The following SLC16A10 variants were observed in gnomAD, a reference collection of about 807,000 sequenced individuals.
SLC16A10 encodes the protein monocarboxylate transporter 10.
Under a neutral mutation model 40.0 loss-of-function variants are expected in SLC16A10, and 27 were observed. The observed-to-expected ratio is 0.67, with a 90% CI of 0.50 to 0.93. SLC16A10 has a LOEUF of 0.93. SLC16A10 is among the 40% of genes least tolerant of loss of function. The pLI is 0.00. For synonymous variants in SLC16A10, 213 were observed against 249.8 expected, an observed-to-expected ratio of 0.85 and a Z score of 1.39; for missense variants, 529 against 658.2, an observed-to-expected ratio of 0.80 and a Z score of 2.15.
chr6:111,220,928 T>C (rs1209495585), intron 5 of SLC16A10, among the ~76,000 whole-genome samples: 1 of 152,150 alleles, frequency 6.6e-6, no homozygotes, highest in East Asian at 1.9e-4. Flanking sequence ...TAATCATGAG[T>C]GTTCATAAGG....
At chr6:111,217,685 C>T (rs1306644652) in intron 4 of SLC16A10, among the ~76,000 whole-genome samples, 2 of 152,264 alleles carry the variant, frequency 1.3e-5, no homozygotes, top group East Asian at 3.9e-4. Flanking sequence ...CTCCCGACCT[C>T]ATGATCTGCC....
intron 1 of SLC16A10, among the ~76,000 whole-genome samples, chr6:111,134,265 T>C (rs1050778445): frequency 2.0e-5 from 3 of 152,196 alleles, no homozygotes; most frequent in Non-Finnish European, 4.4e-5. Flanking sequence ...AAGAAGCCTA[T>C]GAATTATTCA....
intron 1 of SLC16A10, among the ~76,000 whole-genome samples, chr6:111,121,894 T>C (rs1034739395): frequency 6.6e-6 from 1 of 152,210 alleles, no homozygotes; most frequent in African/African-American, 2.4e-5. Context: ...TGGAGGCTGT[T>C]CTAGGGGTCT....
intron 1 of SLC16A10, among the ~76,000 whole-genome samples, chr6:111,165,243 G>A (rs928407731): frequency 6.6e-6 from 1 of 152,176 alleles, no homozygotes; most frequent in Non-Finnish European, 1.5e-5. Flanking sequence ...AATTCTTTGG[G>A]TTTCATGAGG....
At chr6:111,139,767 T>C (rs1010654354) in intron 1 of SLC16A10, among the ~76,000 whole-genome samples, 16 of 152,246 alleles carry the variant, frequency 1.1e-4, no homozygotes, top group African/African-American at 3.9e-4. Context: ...GACTGCTTTA[T>C]ATTCCTCTGG....
chr6:111,211,022 C>CA lies in SLC16A10; in HGVS notation c.1086+4304dup, dbSNP rs36044806. 2.3e-3 allele frequency among the ~76,000 whole-genome samples: 272 copies of CA among 119,534 alleles called. 1 individual carries two copies. Among genetic ancestry groups the CA allele is most frequent in the African/African-American group, 7.1e-3 (207 of 29,126 alleles). 78.4% of individuals were successfully genotyped at this position (119,534 alleles called of 152,430 possible). A position where few individuals can be genotyped will look rare whatever the true frequency, so the allele number is the denominator to read the frequency against. ...TGGGTGACAGAGTGAGACTCCGTCT[C>CA]AAAAAAAAAAAAAAAAAGTAGTGGA... On this transcript the variant is annotated intron_variant, in intron 4 of 5. Coordinates refer to ENST00000368851, the MANE Select transcript of SLC16A10 (RefSeq NM_018593.5).
At chr6:111,164,130 C>T (rs1270034452) in intron 1 of SLC16A10, among the ~76,000 whole-genome samples, 1 of 152,098 alleles carries the variant, frequency 6.6e-6, no homozygotes, top group African/African-American at 2.4e-5. Flanking sequence ...TTAATTTTTA[C>T]AAACCTTCCA....
chr6:111,163,360 G>A (rs1442822530), intron 1 of SLC16A10, among the ~76,000 whole-genome samples: 1 of 151,444 alleles, frequency 6.6e-6, no homozygotes, highest in East Asian at 1.9e-4. Context: ...CACCGTTTTA[G>A]CCGGGATGGT....
At chr6:111,118,504 AC>A (rs1257879891) in intron 1 of SLC16A10, among the ~76,000 whole-genome samples, 1 of 151,934 alleles carries the variant, frequency 6.6e-6, no homozygotes, top group Non-Finnish European at 1.5e-5. Flanking sequence ...ACATGGTGAA[AC>A]CCTGTCTCTA....
At chr6:111,201,859 G>A (rs979325478) in intron 3 of SLC16A10, among the ~76,000 whole-genome samples, 6 of 152,246 alleles carry the variant, frequency 3.9e-5, no homozygotes, top group Non-Finnish European at 7.3e-5. Context: ...TTGGTGATGA[G>A]AAGCTTGAGT....
At chr6:111,108,812 A>G (rs2114453905) in intron 1 of SLC16A10, among the ~76,000 whole-genome samples, 1 of 152,320 alleles carries the variant, frequency 6.6e-6, no homozygotes, top group East Asian at 1.9e-4. Context: ...TGCCATTTTC[A>G]TAACAAACTT....
chr6:111,140,193 G>A (rs1771956593), intron 1 of SLC16A10, among the ~76,000 whole-genome samples: 2 of 152,124 alleles, frequency 1.3e-5, no homozygotes, highest in African/African-American at 4.8e-5. Context: ...CAGGCATAGA[G>A]GCTAATTGCC....
At chr6:111,150,248 A>G (rs1772149640) in intron 1 of SLC16A10, among the ~76,000 whole-genome samples, 1 of 152,220 alleles carries the variant, frequency 6.6e-6, no homozygotes, top group South Asian at 2.1e-4. Context: ...GGCCTTAGCC[A>G]TGTTATAATG....
rs1302356189 is a variant in SLC16A10, at chr6:111,230,806, G to A, written c.*8571G>A. ...TGAAAATTAATTTTTTAATTATTTTGTATATTTTGAGTTAGAAAAACACAC... is the reference window on the plus strand; with the variant it reads ...TGAAAATTAATTTTTTAATTATTTTATATATTTTGAGTTAGAAAAACACAC... On this transcript the variant is annotated 3_prime_UTR_variant, in exon 6 of 6. Coordinates refer to ENST00000368851, the MANE Select transcript of SLC16A10 (RefSeq NM_018593.5). 6.6e-6 allele frequency: 1 copy of A among 151,962 alleles called. No homozygotes were observed. The highest frequency in any genetic ancestry group is 1.5e-5 in the Non-Finnish European group (1 of 67,986). The allele number at this position is 151,962 out of a possible 1,614,324, so 9.4% of individuals were successfully genotyped here. A position where few individuals can be genotyped will look rare whatever the true frequency, so the allele number is the denominator to read the frequency against.
intron 2 of SLC16A10, among the ~76,000 whole-genome samples, chr6:111,175,098 A>G (rs1379035555): frequency 1.3e-5 from 2 of 152,154 alleles, no homozygotes; most frequent in Non-Finnish European, 2.9e-5. Context: ...TGGCAGGTCC[A>G]TTTTTTCCTC....
chr6:111,199,333 C>T (rs1773129663), intron 3 of SLC16A10, among the ~76,000 whole-genome samples: 1 of 151,876 alleles, frequency 6.6e-6, no homozygotes, highest in African/African-American at 2.4e-5. Context: ...GTGGTGGACA[C>T]CTGTAATCCC....
At chr6:111,102,651 G>T (rs1771209669) in intron 1 of SLC16A10, among the ~76,000 whole-genome samples, 1 of 152,070 alleles carries the variant, frequency 6.6e-6, no homozygotes, top group Admixed American at 6.6e-5. Context: ...CTTAGCCCAG[G>T]TGTTGATCAA....
Position 111,219,128 on chromosome 6 carries a change from CAT to C in SLC16A10, c.1315+89_1315+90del. Reference sequence around the variant, plus strand: ...AATTAAGTCTCATTTATATGTAAAACATATTACAGGTTATTGATTACTGGTCT... The same window carrying C: ...AATTAAGTCTCATTTATATGTAAAACATTACAGGTTATTGATTACTGGTCT... On this transcript the variant is annotated intron_variant, in intron 5 of 5. Transcript: ENST00000368851. 5 of 1,210,792 alleles carry C rather than the reference CAT, an allele frequency of 4.1e-6. No individual in the cohort carries two copies. The Admixed American group carries it at 6.5e-5, about 16-fold the overall frequency. The allele number at this position is 1,210,792 out of a possible 1,614,324, so 75.0% of individuals were successfully genotyped here. A position where few individuals can be genotyped will look rare whatever the true frequency, so the allele number is the denominator to read the frequency against.
At chr6:111,202,285 G>C (rs1393224018) in intron 3 of SLC16A10, among the ~76,000 whole-genome samples, 2 of 152,136 alleles carry the variant, frequency 1.3e-5, no homozygotes, top group African/African-American at 4.8e-5. Context: ...AGACCAGCCT[G>C]GGCAACATAA....
Sources: gnomAD v4.1 joint callset for allele counts (sites outside exome capture counted in the v4.1 genomes callset) on GRCh38, gnomAD v4.1.1 for gene constraint, MANE v1.5 for transcripts, NCBI Gene and HGNC (gene_info 2026-07-23, HGNC 2026-07-21) for gene names.